The following PXYLP1 variants were observed in gnomAD, a reference collection of about 807,000 sequenced individuals.
The protein encoded by PXYLP1 is acid phosphatase-like 2.
A neutral mutation model predicts 37.9 loss-of-function variants in PXYLP1; 17 were observed. The observed-to-expected ratio is 0.45, with a 90% CI of 0.31 to 0.67. The LOEUF is 0.67. Among genes scored for constraint, PXYLP1 ranks in the 30% least tolerant of loss-of-function variants. PXYLP1 has a pLI of 0.07. For missense variants in PXYLP1, 511 were observed against 612.0 expected (o/e 0.84, Z 1.74); for synonymous variants, 221 against 232.2 (o/e 0.95, Z 0.44).
intron 4 of PXYLP1, among the ~76,000 whole-genome samples, chr3:141,280,429 C>T (rs1941922668): frequency 6.6e-6 from 1 of 152,356 alleles, no homozygotes; most frequent in African/African-American, 2.4e-5. Context: ...TTGAGAGGTT[C>T]AGTTCCTAGG....
At chr3:141,277,883 C>T (rs757171204) in intron 2 of PXYLP1, among the ~76,000 whole-genome samples, 8 of 152,174 alleles carry the variant, frequency 5.3e-5, no homozygotes, top group Non-Finnish European at 8.8e-5. Context: ...GTTAGATGAG[C>T]GACTCTGAAG....
At chr3:141,232,521 G>A (rs998644537) in intron 1 of PXYLP1, 3 of 152,340 alleles carry the variant, frequency 2.0e-5, no homozygotes, top group African/African-American at 7.2e-5. Context: ...ACGCCTCCGG[G>A]AGTCCCGGGC....
intron 2 of PXYLP1, among the ~76,000 whole-genome samples, chr3:141,263,761 G>T (rs1941447308): frequency 1.3e-5 from 2 of 152,230 alleles, no homozygotes; most frequent in Admixed American, 1.3e-4. Context: ...CTAAGTGGCT[G>T]TGTGTCCTAT....
chr3:141,265,254 G>T (rs1941479595), intron 2 of PXYLP1, among the ~76,000 whole-genome samples: 1 of 151,634 alleles, frequency 6.6e-6, no homozygotes, highest in Non-Finnish European at 1.5e-5. Flanking sequence ...TTGTGTCTTG[G>T]AAAGACTACA....
At chr3:141,265,845 G>C (rs1403134850) in intron 2 of PXYLP1, among the ~76,000 whole-genome samples, 1 of 152,216 alleles carries the variant, frequency 6.6e-6, no homozygotes, top group Non-Finnish European at 1.5e-5. Flanking sequence ...GGCTCCCTGG[G>C]TCTGAAGAAA....
At chr3:141,261,519 CA>C (rs1235208429) in intron 2 of PXYLP1, among the ~76,000 whole-genome samples, 5 of 152,150 alleles carry the variant, frequency 3.3e-5, no homozygotes, top group Non-Finnish European at 7.4e-5. Flanking sequence ...TCCATTTCTA[CA>C]GAAATGGGGA....
chr3:141,237,488 C>T (rs906039357), intron 1 of PXYLP1, among the ~76,000 whole-genome samples: 2 of 152,192 alleles, frequency 1.3e-5, no homozygotes, highest in African/African-American at 2.4e-5. Flanking sequence ...GAACAAGTTA[C>T]TTCTCTGTGC....
intron 2 of PXYLP1, among the ~76,000 whole-genome samples, chr3:141,261,374 G>T (rs1941392105): frequency 6.6e-6 from 1 of 152,154 alleles, no homozygotes; most frequent in Admixed American, 6.5e-5. Flanking sequence ...GCCCAGACTG[G>T]TCTCAAACTC....
At chr3:141,258,357 G>A (rs1276870939) in intron 1 of PXYLP1, 1 of 152,348 alleles carries the variant, frequency 6.6e-6, no homozygotes, top group Non-Finnish European at 1.5e-5. Context: ...GTTAGGGATA[G>A]TGACTCATGG....
chr3:141,260,021 G>T (rs72982510), intron 1 of PXYLP1, 102 bp from the exon 2 acceptor site: 18,442 of 787,200 alleles, frequency 0.023, 276 homozygotes, highest in African/African-American at 0.048. Context: ...GGGGGACTGG[G>T]CTAATCAGAT....
chr3:141,281,789 G>A (rs1350432118), intron 4 of PXYLP1, among the ~76,000 whole-genome samples: 1 of 152,156 alleles, frequency 6.6e-6, no homozygotes, highest in Non-Finnish European at 1.5e-5. Flanking sequence ...GCAGTGTGAG[G>A]TGGTGGACAG....
In PXYLP1 at chr3:141,278,396, A is replaced by G. The variant is rs1353940173; in HGVS notation, c.134A>G (p.Lys45Arg). 1 of 1,614,096 alleles carries G rather than the reference A, an allele frequency of 6.2e-7. No individual in the cohort carries two copies. Among genetic ancestry groups the G allele is most frequent in the East Asian group, 2.2e-5 (1 of 44,900 alleles). The change falls in exon 3 of 6, where the codon AAG becomes AGG. Residue 45 changes from lysine (K) to arginine (R), a missense_variant. Physicochemically the swap from Lys to Arg is conservative, Grantham distance 26. Coordinates refer to ENST00000286353, the MANE Select transcript of PXYLP1 (RefSeq NM_001037172.3). ...PKNGMSSKSR[K>R]RIMPDPVTEP... ...AATGGAATGAGTAGCAAGAGTCGAA[A>G]GAGAATCATGCCCGACCCTGTGACG...
At position 141,294,359 on chromosome 3, in the gene PXYLP1, T is replaced by C. The variant is rs1942301924; in HGVS notation, c.*1154T>C. 6.6e-6 allele frequency: 1 copy of C among 152,236 alleles called. No homozygotes were observed. The highest frequency in any genetic ancestry group is 2.4e-5 in the African/African-American group (1 of 41,464). The allele number at this position is 152,236 out of a possible 1,614,324, so 9.4% of individuals were successfully genotyped here. A position where few individuals can be genotyped will look rare whatever the true frequency, so the allele number is the denominator to read the frequency against. ...AACTGGATTCATTTTTAAACCATTTTCATCAGTTTCAAATGGTAAATTCTG... is the reference window on the plus strand; with the variant it reads ...AACTGGATTCATTTTTAAACCATTTCCATCAGTTTCAAATGGTAAATTCTG... On this transcript the variant is annotated 3_prime_UTR_variant, in exon 6 of 6. Transcript: ENST00000286353.
At chr3:141,241,949 G>A (rs6439992) in intron 1 of PXYLP1, among the ~76,000 whole-genome samples, 3,839 of 152,264 alleles carry the variant, frequency 0.025, 155 homozygotes, top group African/African-American at 0.087. Context: ...CCTTTGCCCG[G>A]GCATTACTCA....
intron 2 of PXYLP1, among the ~76,000 whole-genome samples, chr3:141,260,574 TTTGA>T (rs1941370646): frequency 6.6e-6 from 1 of 152,212 alleles, no homozygotes; most frequent in Non-Finnish European, 1.5e-5. Context: ...TGTTTAGCCC[TTTGA>T]TTGGGTCCTT....
intron 1 of PXYLP1, chr3:141,258,819 A>T (rs935216949): frequency 1.3e-5 from 2 of 152,298 alleles, no homozygotes; most frequent in African/African-American, 4.8e-5. Context: ...TTACAAAACC[A>T]CAAAATCAAT....
chr3:141,277,086 G>A (rs573990023), intron 2 of PXYLP1, among the ~76,000 whole-genome samples: 5 of 152,008 alleles, frequency 3.3e-5, no homozygotes, highest in South Asian at 4.1e-4. Context: ...TTAATCATTT[G>A]TCTGTTAGGT....
intron 4 of PXYLP1, among the ~76,000 whole-genome samples, chr3:141,283,148 T>A (rs889660698): frequency 1.4e-4 from 21 of 151,644 alleles, no homozygotes; most frequent in African/African-American, 3.4e-4. Flanking sequence ...TGTATTTTTT[T>A]TTTTTTTTAT....
chr3:141,245,978 A>G (rs985538989), intron 1 of PXYLP1, among the ~76,000 whole-genome samples: 3 of 152,134 alleles, frequency 2.0e-5, no homozygotes, highest in Non-Finnish European at 4.4e-5. Flanking sequence ...TGGAAATAGC[A>G]TTGAACTGGA....
Sources: gnomAD v4.1 joint callset for allele counts (sites outside exome capture counted in the v4.1 genomes callset) on GRCh38, gnomAD v4.1.1 for gene constraint, MANE v1.5 for transcripts, NCBI Gene and HGNC (gene_info 2026-07-23, HGNC 2026-07-21) for gene names.